Variants in BCAN observed in about 807,000 individuals in gnomAD.
The protein encoded by BCAN is brevican core protein.
In BCAN, 51 loss-of-function variants were observed where a neutral mutation model predicts 92.4. That is an observed-to-expected ratio of 0.55 (90% CI 0.44 to 0.70). The LOEUF (loss-of-function observed/expected upper bound fraction) is 0.70. Ranked by LOEUF, BCAN falls within the 30% of genes least tolerant of loss-of-function variation. The pLI is 0.00. For missense variants in BCAN, 1,140 were observed against 1,212.1 expected (o/e 0.94, Z 0.88); for synonymous variants, 501 against 505.2 (o/e 0.99, Z 0.11).
intron 10 of BCAN, 56 bp downstream of exon 10, chr1:156,657,152 A>C: frequency 6.3e-7 from 1 of 1,584,122 alleles, no homozygotes; most frequent in Non-Finnish European, 8.6e-7. Flanking sequence ...ACTCTCTCTC[A>C]CTCGCCTAAC....
intron 10 of BCAN, 38 bp from the exon 11 acceptor site, chr1:156,657,637 C>T: frequency 6.5e-7 from 1 of 1,548,340 alleles, no homozygotes; most frequent in Non-Finnish European, 8.8e-7. Flanking sequence ...CCGCCATCTG[C>T]TGGCGGCTGC....
chr1:156,657,677 C>G lies in BCAN; in HGVS notation c.2212C>G (p.Arg738Gly). 1 of 1,608,634 alleles carries G rather than the reference C, an allele frequency of 6.2e-7. No homozygotes were observed. Among genetic ancestry groups the G allele is most frequent in the Non-Finnish European group, 8.5e-7 (1 of 1,178,114 alleles). Residue 738 changes from arginine to glycine, a missense_variant and splice_region_variant, in exon 11 of 14, where the codon CGG (arginine) becomes GGG (glycine). This residue lies in a region of BCAN where 825 missense variants were observed against 871.8 expected (regional missense o/e 0.95). Coordinates refer to ENST00000329117, the MANE Select transcript of BCAN (RefSeq NM_021948.5). ...TPEEQDFINNRYREYQWIGLN... is the reference protein window; with the variant it reads ...TPEEQDFINNGYREYQWIGLN... ...ACTGCACGCCTTCGTCTCCCTAGAC[C>G]GGTACCGGGAGTACCAGTGGATCGG...
In BCAN at chr1:156,658,890, G is replaced by C. The variant is rs1383818149; in HGVS notation, c.2629-137G>C. 1 of 1,334,268 alleles carries C rather than the reference G, an allele frequency of 7.5e-7. No individual in the cohort carries two copies. Among genetic ancestry groups the C allele is most frequent in the Non-Finnish European group, 1.0e-6 (1 of 964,234 alleles). The allele number at this position is 1,334,268 out of a possible 1,614,324, so 82.7% of individuals were successfully genotyped here. On this transcript the variant is annotated intron_variant, in intron 13 of 13. Transcript: ENST00000329117. The surrounding 1 kb of genome is among the most constrained non-coding windows in gnomAD (Gnocchi z 4.4). ...GAAGAGGTGGGCTGGAGGCTCTGGG[G>C]TTCCTTCAGTGCTGATGTCTGATAA...
Position 156,647,296 on chromosome 1 carries a change from G to A in BCAN, c.466+121G>A. On this transcript the variant is annotated intron_variant, in intron 3 of 13. Transcript: ENST00000329117. This position sits in a 1 kb window ranked among gnomAD's most constrained non-coding sequence, Gnocchi z 4.8. ...TAGCTGGAAGGCGCAGCCTGGGTTG[G>A]AAAAAGAGTGAGGAGACACGGGCCT... 2 of 1,300,400 alleles carry A rather than the reference G, an allele frequency of 1.5e-6. No individual in the cohort carries two copies. The highest frequency in any genetic ancestry group is 2.1e-6 in the Non-Finnish European group (2 of 966,686). The allele number at this position is 1,300,400 out of a possible 1,614,324, so 80.6% of individuals were successfully genotyped here. A position where few individuals can be genotyped will look rare whatever the true frequency, so the allele number is the denominator to read the frequency against.
Position 156,657,041 on chromosome 1 carries a change from G to A in BCAN, c.2154G>A (p.Met718Ile). 6.2e-7 allele frequency: 1 copy of A among 1,614,228 alleles called. No individual in the cohort carries two copies. The highest frequency in any genetic ancestry group is 8.5e-7 in the Non-Finnish European group (1 of 1,180,034). Residue 718 changes from methionine (M) to isoleucine (I), a missense_variant, in exon 10 of 14, where the codon ATG (methionine) becomes ATA (isoleucine). Physicochemically the swap from Met to Ile is conservative, Grantham distance 10. Around this residue, in one of 3 missense-constraint regions of BCAN, gnomAD observed 825 missense variants for 871.8 expected, o/e 0.95. Coordinates refer to ENST00000329117, the MANE Select transcript of BCAN (RefSeq NM_021948.5). ...AGGAGGCAGAGACCCAGTGCCGGATGTACGGCGCGCATCTGGCCAGCATCA... is the reference window on the plus strand; with the variant it reads ...AGGAGGCAGAGACCCAGTGCCGGATATACGGCGCGCATCTGGCCAGCATCA... ...SWEEAETQCR[M>I]YGAHLASIST...
intron 2 of BCAN, chr1:156,646,360 G>A (rs1678962153): frequency 9.3e-6 from 5 of 539,158 alleles, no homozygotes; most frequent in African/African-American, 1.9e-5. Context: ...AAGGCTTTGG[G>A]CCCCTAAGGT....
chr1:156,647,379 T>C lies in BCAN; in HGVS notation c.467-129T>C. 4 of 1,143,248 alleles carry C rather than the reference T, an allele frequency of 3.5e-6. No individual in the cohort carries two copies. The highest frequency in any genetic ancestry group is 4.9e-6 in the Non-Finnish European group (4 of 817,400). 70.8% of individuals were successfully genotyped at this position (1,143,248 alleles called of 1,614,324 possible). On this transcript the variant is annotated intron_variant, in intron 3 of 13. Transcript: ENST00000329117. The surrounding 1 kb of genome is among the most constrained non-coding windows in gnomAD (Gnocchi z 4.8). ...CATTCTACCCACAATCTAACTTAAGTCCCTCATGCTGTAGAGTGAGCACAA... is the reference window on the plus strand; with the variant it reads ...CATTCTACCCACAATCTAACTTAAGCCCCTCATGCTGTAGAGTGAGCACAA...
In BCAN at chr1:156,652,524, G is replaced by C. The variant is rs143971433; in HGVS notation, c.1574G>C (p.Gly525Ala). 2.5e-6 allele frequency: 4 copies of C among 1,612,616 alleles called. No individual in the cohort carries two copies. The highest frequency in any genetic ancestry group is 1.3e-5 in the African/African-American group (1 of 74,896). The change falls in exon 8 of 14, where the codon GGA becomes GCA. Residue 525 changes from glycine to alanine, a missense_variant. Around this residue, in one of 3 missense-constraint regions of BCAN, gnomAD observed 825 missense variants for 871.8 expected, o/e 0.95. Coordinates refer to ENST00000329117, the MANE Select transcript of BCAN (RefSeq NM_021948.5). The stretch of plus-strand genomic sequence containing the variant: ...CCTGGTGCATCACCACTTCCTGATG[G>C]AGAGTCAGAAGCTTCCAGGCCTCCA... ...LQPGASPLPD[G>A]ESEASRPPRV... is the part of the protein sequence containing the mutation.
chr1:156,652,778 C>A lies in BCAN; in HGVS notation c.1828C>A (p.Pro610Thr). The A allele has an allele frequency of 6.2e-7, 1 of 1,611,602 alleles. No individual in the cohort carries two copies. Among genetic ancestry groups the A allele is most frequent in the Non-Finnish European group, 8.5e-7 (1 of 1,178,238 alleles). The change falls in exon 8 of 14, where the codon CCC (proline) becomes ACC (threonine). Residue 610 changes from proline to threonine, a missense_variant. This residue lies in a region of BCAN where 825 missense variants were observed against 871.8 expected (regional missense o/e 0.95). Transcript: ENST00000329117. ...APEGTRELEA[P>T]SEDNSGRTAP... is the part of the protein sequence containing the mutation. ...TGAGGGTACCAGGGAGCTGGAGGCC[C>A]CCTCTGAAGATAATTCTGGAAGAAC...
At chr1:156,652,941 T>TC in intron 8 of BCAN, 49 bp downstream of exon 8, 2 of 1,600,694 alleles carry the variant, frequency 1.2e-6, no homozygotes, top group Admixed American at 3.4e-5. Flanking sequence ...CTCCTTTTCT[T>TC]CCCCCTGCAG....
At chr1:156,645,357 A>T (rs957991814) in intron 1 of BCAN, among the ~76,000 whole-genome samples, 1 of 152,148 alleles carries the variant, frequency 6.6e-6, no homozygotes, top group African/African-American at 2.4e-5. Flanking sequence ...AGAAGGGAGG[A>T]GGCAGCCAAG....
At chr1:156,648,239 A>C (rs2102559216) in intron 5 of BCAN, 129 bp downstream of exon 5, 1 of 1,297,882 alleles carries the variant, frequency 7.7e-7, no homozygotes, top group Non-Finnish European at 1.1e-6. Flanking sequence ...GTAAGGAGAC[A>C]ATTGGTGTCC....
In BCAN at chr1:156,647,541, G is replaced by A. The variant is rs148799690; in HGVS notation, c.500G>A (p.Arg167His). The stretch of plus-strand genomic sequence containing the variant: ...TTTCTCTACCGAGAGGGCTCTGCCC[G>A]CTATGCTTTCTCCTTTTCTGGGGCC... ...VVFLYREGSA[R>H]YAFSFSGAQE... Residue 167 changes from arginine (R) to histidine (H), a missense_variant, in exon 4 of 14, where the codon CGC (arginine) becomes CAC (histidine). By Grantham distance (29) the Arg-to-His change is conservative. Around this residue, in one of 3 missense-constraint regions of BCAN, gnomAD observed 286 missense variants for 284.1 expected, o/e 1.01. Transcript: ENST00000329117. This position sits in a 1 kb window ranked among gnomAD's most constrained non-coding sequence, Gnocchi z 4.8. 3.6e-5 allele frequency: 58 copies of A among 1,600,022 alleles called. No individual in the cohort carries two copies. The highest frequency in any genetic ancestry group is 1.8e-4 in the Middle Eastern group (1 of 5,534).
intron 9 of BCAN, chr1:156,656,640 T>C: frequency 2.0e-6 from 1 of 511,470 alleles, no homozygotes; most frequent in Non-Finnish European, 3.5e-6. Flanking sequence ...GGTCAATACA[T>C]GACAGGCTCC....
intron 10 of BCAN, 96 bp from the exon 11 acceptor site, chr1:156,657,578 GA>G: frequency 1.0e-6 from 1 of 955,178 alleles, no homozygotes; most frequent in Non-Finnish European, 1.6e-6. Context: ...GGATCGCGGG[GA>G]AGGGTTTCCA....
chr1:156,653,158 A>C (rs1571448432), intron 8 of BCAN: 1 of 1,384,092 alleles, frequency 7.2e-7, no homozygotes, highest in Non-Finnish European at 9.3e-7. Context: ...TGGGCCCTCC[A>C]CCTGTGGCTC....
Position 156,659,371 on chromosome 1 carries a change from A to G in BCAN, c.*237A>G. 3 of 523,000 alleles carry G rather than the reference A, an allele frequency of 5.7e-6. No individual in the cohort carries two copies. The highest frequency in any genetic ancestry group is 6.7e-6 in the Non-Finnish European group (2 of 298,772). The allele number at this position is 523,000 out of a possible 1,614,324, so 32.4% of individuals were successfully genotyped here. A position where few individuals can be genotyped will look rare whatever the true frequency, so the allele number is the denominator to read the frequency against. On this transcript the variant is annotated 3_prime_UTR_variant, in exon 14 of 14. Transcript: ENST00000329117. The stretch of plus-strand genomic sequence containing the variant: ...CCATCAGGGCCGGAGTAAATCCCTA[A>G]GTGCCTCAACTGCCCTCTCCCTGGC...
chr1:156,654,013 C>A (rs1417861913), intron 8 of BCAN, among the ~76,000 whole-genome samples: 4 of 152,130 alleles, frequency 2.6e-5, no homozygotes, highest in African/African-American at 9.7e-5. Context: ...ACTCTCATCC[C>A]ACTACCTACA....
rs915964696 is a variant in BCAN at position 156,657,591 on chromosome 1, G to A, written c.2210-84G>A. On this transcript the variant is annotated intron_variant, in intron 10 of 13. Coordinates refer to ENST00000329117, the MANE Select transcript of BCAN (RefSeq NM_021948.5). ...CTGGATCGCGGGGAAGGGTTTCCAAGGCAGTCACCGCAGACCGCCCGGGAG... is the reference window on the plus strand; with the variant it reads ...CTGGATCGCGGGGAAGGGTTTCCAAAGCAGTCACCGCAGACCGCCCGGGAG... 1.9e-4 allele frequency: 213 copies of A among 1,133,412 alleles called. 1 individual carries two copies. The highest frequency in any genetic ancestry group is 2.4e-4 in the Non-Finnish European group (188 of 786,520). 70.2% of individuals were successfully genotyped at this position (1,133,412 alleles called of 1,614,324 possible). A position where few individuals can be genotyped will look rare whatever the true frequency, so the allele number is the denominator to read the frequency against.
Sources: gnomAD v4.1 joint callset for allele counts (sites outside exome capture counted in the v4.1 genomes callset) on GRCh38, gnomAD v4.1.1 for gene constraint, gnomAD v4.1.1 regional missense constraint, Gnocchi (gnomAD v3.1) non-coding constraint, MANE v1.5 for transcripts, NCBI Gene and HGNC (gene_info 2026-07-23, HGNC 2026-07-21) for gene names.